Variants in MYH16 observed in about 807,000 individuals in gnomAD.
The protein encoded by MYH16 is putative uncharacterized protein MYH16.
At chr7:99,262,904 C>T (rs1486685824) in intron 13 of MYH16, among the ~76,000 whole-genome samples, 3 of 152,174 alleles carry the variant, frequency 2.0e-5, no homozygotes, top group East Asian at 1.9e-4. Flanking sequence ...GATTTCTTCA[C>T]GTAGCTCGGG....
chr7:99,299,922 TTTTATTTTATTTATTTA>T (rs1792563128), intron 37 of MYH16, among the ~76,000 whole-genome samples: 1 of 143,858 alleles, frequency 7.0e-6, no homozygotes, highest in Admixed American at 7.0e-5. Flanking sequence ...TAGATTTTTA[TTTTATTTTATTTATTTA>T]TTTATTTATT....
intron 2 of MYH16, among the ~76,000 whole-genome samples, chr7:99,246,571 G>A (rs1476907847): frequency 3.3e-5 from 5 of 152,050 alleles, no homozygotes; most frequent in East Asian, 1.9e-4. Context: ...GCGTGGTGGC[G>A]TGCACCTGTA....
At chr7:99,263,833 G>A (rs1791962600) in intron 14 of MYH16, among the ~76,000 whole-genome samples, 1 of 152,196 alleles carries the variant, frequency 6.6e-6, no homozygotes, top group Non-Finnish European at 1.5e-5. Flanking sequence ...TTCCAATAGA[G>A]GTCATGTGGC....
chr7:99,286,279 G>C (rs770131265), intron 27 of MYH16, among the ~76,000 whole-genome samples: 2 of 152,240 alleles, frequency 1.3e-5, no homozygotes, highest in Non-Finnish European at 2.9e-5. Context: ...TGCTGGGTAT[G>C]ATGGCATGTG....
intron 40 of MYH16, chr7:99,305,439 A>T (rs1480598492): frequency 6.6e-6 from 1 of 152,264 alleles, no homozygotes; most frequent in African/African-American, 2.4e-5. Context: ...GGAAGGGCCC[A>T]GAAGATTCCA....
chr7:99,250,453 G>A (rs1476165196), intron 5 of MYH16, among the ~76,000 whole-genome samples: 2 of 152,188 alleles, frequency 1.3e-5, no homozygotes, highest in African/African-American at 2.4e-5. Flanking sequence ...CTAAAAGGCT[G>A]ACAGCGGCCA....
intron 1 of MYH16, among the ~76,000 whole-genome samples, chr7:99,239,393 T>G (rs547731230): frequency 1.3e-5 from 2 of 152,346 alleles, no homozygotes; most frequent in East Asian, 3.9e-4. Context: ...ATGTCACTTA[T>G]GAGCAGTGTC....
At chr7:99,250,846 T>C (rs908477724) in intron 5 of MYH16, among the ~76,000 whole-genome samples, 2 of 152,164 alleles carry the variant, frequency 1.3e-5, no homozygotes, top group African/African-American at 2.4e-5. Flanking sequence ...TCCAAGTGGC[T>C]GCCCGTGTCC....
chr7:99,240,577 G>A (rs1029885723), intron 1 of MYH16, among the ~76,000 whole-genome samples: 50 of 152,294 alleles, frequency 3.3e-4, no homozygotes, highest in African/African-American at 1.1e-3. Context: ...GAGGCCAGAC[G>A]CGGCAGCTCA....
chr7:99,294,211 T>C (rs1792439049), intron 33 of MYH16, 61 bp downstream of exon 14: 1 of 424,250 alleles, frequency 2.4e-6, no homozygotes, highest in African/African-American at 2.0e-5. Flanking sequence ...ACAGCAGGGC[T>C]AGGGCAAGGC....
intron 8 of MYH16, chr7:99,253,972 G>C (rs1475672830): frequency 6.6e-6 from 1 of 152,224 alleles, no homozygotes; most frequent in Non-Finnish European, 1.5e-5. Context: ...AATCGGGCTG[G>C]GTGCGGTGGC....
In MYH16 at chr7:99,278,862, G is replaced by A. The variant is rs530901979; in HGVS notation, n.2660-648G>A. Among the ~76,000 whole-genome samples, 50 of 152,256 alleles carry A rather than the reference G, an allele frequency of 3.3e-4. No homozygotes were observed. The South Asian group carries it at 0.01, about 31-fold the overall frequency. ...TTGAACTGATATCCCCATTTTGTTT[G>A]TGAAGGCTGAGGCTGGGCAAGACCA... On this transcript the variant is annotated intron_variant and non_coding_transcript_variant, in intron 21 of 41. Coordinates refer to ENST00000439784, the Ensembl canonical transcript of MYH16.
At chr7:99,273,864 G>A (rs571723158) in intron 20 of MYH16, among the ~76,000 whole-genome samples, 30 of 151,482 alleles carry the variant, frequency 2.0e-4, no homozygotes, top group Non-Finnish European at 3.8e-4. Context: ...AGGAAAGGAA[G>A]GGAGAGAGGA....
At chr7:99,297,468 TGAG>T (rs1792518305) in intron 34 of MYH16, among the ~76,000 whole-genome samples, 189 bp from the exon 16 acceptor site, 1 of 151,894 alleles carries the variant, frequency 6.6e-6, no homozygotes, top group Non-Finnish European at 1.5e-5. Context: ...TTTAATTTAA[TGAG>T]GAAATAATTC....
chr7:99,292,190 A>C (rs1025735431), intron 31 of MYH16, 122 bp from the exon 13 acceptor site: 10 of 352,690 alleles, frequency 2.8e-5, no homozygotes, highest in Non-Finnish European at 4.6e-5. Flanking sequence ...GGATTGTGGG[A>C]TCATGTTTCT....
intron 31 of MYH16, 104 bp from the exon 13 acceptor site, chr7:99,292,208 C>G: frequency 2.8e-6 from 1 of 359,346 alleles, no homozygotes; most frequent in Non-Finnish European, 5.6e-6. Context: ...TCTTTTCCCC[C>G]TTTCGCCTGC....
exon 28 of MYH16, chr7:99,286,465 C>T (rs574891329): frequency 4.6e-5 from 7 of 152,546 alleles, no homozygotes; most frequent in East Asian, 1.9e-4. Flanking sequence ...TGACCTGTCC[C>T]GGGATCTTGA....
intron 11 of MYH16, among the ~76,000 whole-genome samples, chr7:99,259,173 C>T (rs1367888499): frequency 6.6e-6 from 1 of 152,164 alleles, no homozygotes; most frequent in Non-Finnish European, 1.5e-5. Context: ...AACCATGTCA[C>T]CCCTTAAACT....
intron 18 of MYH16, among the ~76,000 whole-genome samples, chr7:99,268,273 G>A (rs1792006661): frequency 6.6e-6 from 1 of 152,164 alleles, no homozygotes; most frequent in Non-Finnish European, 1.5e-5. Flanking sequence ...TGGAATAATT[G>A]AGCTGGAAAG....
Sources: allele counts gnomAD v4.1 joint callset (sites outside exome capture counted in the v4.1 genomes callset), GRCh38; gene constraint gnomAD v4.1.1; transcripts MANE v1.5; gene names NCBI Gene and HGNC (gene_info 2026-07-23, HGNC 2026-07-21).